ZMAT1: variants seen among roughly 807,000 people sequenced by gnomAD.
The protein encoded by ZMAT1 is zinc finger matrin-type 1.
Under a neutral mutation model 18.5 loss-of-function variants are expected in ZMAT1, and 11 were observed. The observed-to-expected ratio is 0.59, with a 90% confidence interval of 0.37 to 0.98. The LOEUF is 0.98. ZMAT1 is among the 50% of genes least tolerant of loss of function. ZMAT1 has a pLI of 0.01. For missense variants in ZMAT1, 525 were observed against 496.2 expected (o/e 1.06, Z -0.55); for synonymous variants, 211 against 176.4 (o/e 1.20, Z -1.55).
At chrX:101,931,364 C>T in intron 1 of ZMAT1, 1 of 681,256 alleles carries the variant, frequency 1.5e-6, no homozygotes, top group Non-Finnish European at 1.7e-6. Flanking sequence ...CCTCTCTCTT[C>T]CAAATCACAC....
chrX:101,883,488 T>G lies in ZMAT1; in HGVS notation c.*22A>C, dbSNP rs757117969. 1 of 1,117,524 alleles carries G rather than the reference T, an allele frequency of 8.9e-7. No homozygotes were observed. The highest frequency in any genetic ancestry group is 2.2e-5 in the South Asian group (1 of 46,326). 92.1% of individuals were successfully genotyped at this position (1,117,524 alleles called of 1,213,427 possible). A position where few individuals can be genotyped will look rare whatever the true frequency, so the allele number is the denominator to read the frequency against. The stretch of plus-strand genomic sequence containing the variant: ...ACTGTTTTTTTTTTTCAATTCAACC[T>G]TGGGTAAACAAAACTAAACATTCAA... On this transcript the variant is annotated 3_prime_UTR_variant, in exon 6 of 6. Coordinates refer to ENST00000651725, the MANE Select transcript of ZMAT1 (RefSeq NM_001394560.1).
chrX:101,885,145 T>C (rs991366188), intron 5 of ZMAT1, among the ~76,000 whole-genome samples: 4 of 110,518 alleles, frequency 3.6e-5, no homozygotes, highest in African/African-American at 1.3e-4. Flanking sequence ...TGGCCCGGGA[T>C]GAAAGGGAAG....
At chrX:101,925,476 A>G (rs1209593847) in intron 1 of ZMAT1, among the ~76,000 whole-genome samples, 1 of 112,251 alleles carries the variant, frequency 8.9e-6, no homozygotes, top group East Asian at 2.8e-4. Context: ...AAAAAAATAA[A>G]TAAGATTCTG....
intron 1 of ZMAT1, among the ~76,000 whole-genome samples, chrX:101,913,896 T>C (rs1288966203): frequency 1.8e-5 from 2 of 112,057 alleles, no homozygotes; most frequent in Non-Finnish European, 3.8e-5. Flanking sequence ...TACACATTCT[T>C]TTCCTTAGCA....
At chrX:101,919,766 A>T (rs968613058) in intron 1 of ZMAT1, among the ~76,000 whole-genome samples, 3 of 111,606 alleles carry the variant, frequency 2.7e-5, no homozygotes, top group African/African-American at 6.5e-5. Flanking sequence ...CAGGGGAGGC[A>T]AGAGTATGAA....
rs749552976 is a variant in ZMAT1 at position 101,928,429 on chromosome X, G to T, written c.292+3288C>A. On this transcript the variant is annotated intron_variant, in intron 1 of 5. Transcript: ENST00000651725. Reference sequence around the variant, plus strand: ...CTGGAGTGCAGTGGCACTATCTCCGGTCACTGCAACCTCCCACTCCCAGGT... The same window carrying T: ...CTGGAGTGCAGTGGCACTATCTCCGTTCACTGCAACCTCCCACTCCCAGGT... Among the ~76,000 whole-genome samples, 6 of 111,967 alleles carry T rather than the reference G, an allele frequency of 5.4e-5. No individual in the cohort carries two copies. In the South Asian group the frequency reaches 1.9e-3, roughly 35 times the overall value.
chrX:101,898,199 C>A lies in ZMAT1; in HGVS notation c.421G>T (p.Val141Phe), dbSNP rs143644365. The A allele has an allele frequency of 1.0e-4, 125 of 1,206,955 alleles. No homozygotes were observed. Among genetic ancestry groups the A allele is most frequent in the Admixed American group, 2.2e-4 (10 of 45,689 alleles). Reference protein sequence around the residue: ...HYEGEKHAQNVSFYFQMHGEQ... With the variant: ...HYEGEKHAQNFSFYFQMHGEQ... ...CCATGCATTTGAAAATAAAAACTAA[C>A]ATTTTGAGCATGTTTTTCACCCTGA... The change falls in exon 3 of 6, where the codon GTT (valine) becomes TTT (phenylalanine). Residue 141 changes from valine (V) to phenylalanine (F), a missense_variant. By Grantham distance (50) the Val-to-Phe change is conservative (BLOSUM62 -1). Coordinates refer to ENST00000651725, the MANE Select transcript of ZMAT1 (RefSeq NM_001394560.1).
intron 1 of ZMAT1, among the ~76,000 whole-genome samples, chrX:101,929,817 T>C (rs1401610585): frequency 3.6e-4 from 40 of 111,564 alleles, no homozygotes; most frequent in Admixed American, 3.5e-3. Flanking sequence ...GGAAAGACTA[T>C]CAATCAGAAC....
intron 2 of ZMAT1, among the ~76,000 whole-genome samples, chrX:101,900,047 G>C (rs1928116744): frequency 8.9e-6 from 1 of 111,847 alleles, no homozygotes; most frequent in Non-Finnish European, 1.9e-5. Flanking sequence ...GCATTTCCTT[G>C]ATCATTAGTG....
In ZMAT1 at chrX:101,888,639, A is replaced by G. The variant is rs184063885; in HGVS notation, c.677-1908T>C. On this transcript the variant is annotated intron_variant, in intron 4 of 5. Transcript: ENST00000651725. ...CCTAGATCAAGCTTGTCCAACTTGCAGCCCACAGGCCACATGTGGCCCAAG... is the reference window on the plus strand; with the variant it reads ...CCTAGATCAAGCTTGTCCAACTTGCGGCCCACAGGCCACATGTGGCCCAAG... 3.6e-5 allele frequency: 4 copies of G among 112,128 alleles called. No individual in the cohort carries two copies. In the East Asian group the frequency reaches 1.1e-3, roughly 32 times the overall value. The allele number at this position is 112,128 out of a possible 1,213,427, so 9.2% of individuals were successfully genotyped here. A position where few individuals can be genotyped will look rare whatever the true frequency, so the allele number is the denominator to read the frequency against.
intron 4 of ZMAT1, among the ~76,000 whole-genome samples, chrX:101,893,188 A>G (rs1927547376): frequency 9.0e-6 from 1 of 111,486 alleles, no homozygotes; most frequent in Non-Finnish European, 1.9e-5. Context: ...TCATTCTAAT[A>G]ACATTAAAAC....
intron 2 of ZMAT1, among the ~76,000 whole-genome samples, chrX:101,898,804 A>C (rs181238676): frequency 8.9e-6 from 1 of 111,890 alleles, no homozygotes; most frequent in Admixed American, 9.4e-5. Context: ...TAATCCCAGC[A>C]CTTTGCGAGG....
rs1926547052 is a variant in ZMAT1, at chrX:101,882,535, C to A, written c.*975G>T. 1 of 111,328 alleles carries A rather than the reference C, an allele frequency of 9.0e-6. No individual in the cohort carries two copies. The highest frequency in any genetic ancestry group is 3.3e-5 in the African/African-American group (1 of 30,591). The allele number at this position is 111,328 out of a possible 1,213,427, so 9.2% of individuals were successfully genotyped here. A position where few individuals can be genotyped will look rare whatever the true frequency, so the allele number is the denominator to read the frequency against. On this transcript the variant is annotated 3_prime_UTR_variant, in exon 6 of 6. Coordinates refer to ENST00000651725, the MANE Select transcript of ZMAT1 (RefSeq NM_001394560.1). ...GAGACACATAAACACAGAAAAACAA[C>A]AATAAAATACCACCAACACTAACAC...
At chrX:101,905,520 AT>A (rs1928551893) in intron 1 of ZMAT1, among the ~76,000 whole-genome samples, 1 of 112,412 alleles carries the variant, frequency 8.9e-6, no homozygotes, top group Admixed American at 9.4e-5. Context: ...AGAGATGCCA[AT>A]TGCTTATTAA....
intron 1 of ZMAT1, chrX:101,911,840 G>C (rs767274204): frequency 8.3e-7 from 1 of 1,204,945 alleles, no homozygotes; most frequent in Non-Finnish European, 1.1e-6. Context: ...TCGGTGCAAT[G>C]AGTGTGGGAA....
chrX:101,928,603 C>T (rs1282839090), intron 1 of ZMAT1, among the ~76,000 whole-genome samples: 4 of 112,676 alleles, frequency 3.6e-5, no homozygotes, highest in Admixed American at 9.4e-5. Flanking sequence ...GCGATCTGCC[C>T]GCCTCCGCCT....
chrX:101,911,387 T>G, intron 1 of ZMAT1: 1 of 325,700 alleles, frequency 3.1e-6, no homozygotes, highest in African/African-American at 2.6e-5. Flanking sequence ...CCACAGAATA[T>G]TATAATACTA....
At chrX:101,915,015 G>A (rs1189846164) in intron 1 of ZMAT1, among the ~76,000 whole-genome samples, 1 of 111,295 alleles carries the variant, frequency 9.0e-6, no homozygotes, top group Non-Finnish European at 1.9e-5. Context: ...TTTTTCCCGG[G>A]ATGCAAGGAT....
chrX:101,917,031 T>C (rs1004685627), intron 1 of ZMAT1, among the ~76,000 whole-genome samples: 14 of 111,699 alleles, frequency 1.3e-4, no homozygotes, highest in Non-Finnish European at 2.4e-4. Flanking sequence ...TATACAAAAT[T>C]CAAATCAAAA....
Sources: gnomAD v4.1 joint callset for allele counts (sites outside exome capture counted in the v4.1 genomes callset) on GRCh38, gnomAD v4.1.1 for gene constraint, MANE v1.5 for transcripts, NCBI Gene and HGNC (gene_info 2026-07-23, HGNC 2026-07-21) for gene names.